Variants in RTN4 observed in about 807,000 individuals in gnomAD.
RTN4 encodes reticulon-4.
Under a neutral mutation model 90.4 loss-of-function variants are expected in RTN4, and 32 were observed. The ratio of observed to expected loss-of-function variants is 0.35; its 90% confidence interval spans 0.27 to 0.48. The LOEUF (loss-of-function observed/expected upper bound fraction) is 0.48. Ranked by LOEUF, RTN4 falls within the 20% of genes least tolerant of loss-of-function variation. The pLI, the probability that RTN4 is intolerant of heterozygous loss-of-function variation, is 0.99. For synonymous variants in RTN4, 629 were observed against 552.5 expected, an observed-to-expected ratio of 1.14 and a Z score of -1.94; for missense variants, 1,706 against 1,430.2, an observed-to-expected ratio of 1.19 and a Z score of -3.11.
intron 1 of RTN4, among the ~76,000 whole-genome samples, chr2:55,105,004 G>T (rs1424875266): frequency 6.6e-6 from 1 of 151,312 alleles, no homozygotes; most frequent in Non-Finnish European, 1.5e-5. Flanking sequence ...ATGAGGTTTT[G>T]CCATGTTGCC....
chr2:55,011,308 T>C (rs939530980), intron 3 of RTN4, among the ~76,000 whole-genome samples: 1 of 152,126 alleles, frequency 6.6e-6, no homozygotes, highest in Non-Finnish European at 1.5e-5. Flanking sequence ...ATTACAGGTA[T>C]GAGCCACCAC....
the RTN4 span, among the ~76,000 whole-genome samples, chr2:55,134,092 C>T: frequency 3.2e-4 from 49 of 152,218 alleles, no homozygotes; most frequent in Middle Eastern, 3.4e-3. Context: ...AACTTCCAGA[C>T]GGTTGCCATG....
chr2:55,081,985 T>TC (rs1668729936), intron 1 of RTN4, among the ~76,000 whole-genome samples: 1 of 152,190 alleles, frequency 6.6e-6, no homozygotes, highest in African/African-American at 2.4e-5. Flanking sequence ...TCTGCTTTTT[T>TC]CCCTCATGCT....
At chr2:54,988,325 T>A (rs1323026612) in intron 3 of RTN4, among the ~76,000 whole-genome samples, 1 of 152,052 alleles carries the variant, frequency 6.6e-6, no homozygotes, top group African/African-American at 2.4e-5. Context: ...TCCAAAAAAA[T>A]CATCTTGGGG....
At chr2:55,098,498 C>G (rs1379857911) in intron 1 of RTN4, among the ~76,000 whole-genome samples, 3 of 152,006 alleles carry the variant, frequency 2.0e-5, no homozygotes, top group Admixed American at 1.3e-4. Flanking sequence ...CTTCCAACTC[C>G]ATTGCATATT....
At chr2:54,977,203 G>T (rs1350902773) in intron 5 of RTN4, among the ~76,000 whole-genome samples, 1 of 152,142 alleles carries the variant, frequency 6.6e-6, no homozygotes, top group Non-Finnish European at 1.5e-5. Flanking sequence ...AACTCTACTT[G>T]CCCTTCTGTG....
At chr2:55,028,283 T>C in intron 1 of RTN4, 63 bp from the exon 2 acceptor site, 1 of 1,445,248 alleles carries the variant, frequency 6.9e-7, no homozygotes, top group Non-Finnish European at 9.6e-7. Context: ...AGACTAAAGA[T>C]AAGAGGAGCA....
In RTN4 at chr2:55,050,095, G is replaced by C; in HGVS notation, c.206C>G (p.Pro69Arg). 2 of 1,475,862 alleles carry C rather than the reference G, an allele frequency of 1.4e-6. No individual in the cohort carries two copies. The highest frequency in any genetic ancestry group is 2.6e-5 in the South Asian group (2 of 77,048). The allele number at this position is 1,475,862 out of a possible 1,614,324, so 91.4% of individuals were successfully genotyped here. ...GGGCGCGCCGGCGGCAGGGGCGGTG[G>C]GCACTGGGGCCGCGGACAGCCCGGC... is the stretch of plus-strand genomic sequence containing the variant. ...PAAGLSAAPV[P>R]TAPAAGAPLM... Residue 69 changes from proline to arginine, a missense_variant, in exon 1 of 9, where the codon CCC (proline) becomes CGC (arginine). By Grantham distance (103) the Pro-to-Arg change is moderately radical (BLOSUM62 -2). Coordinates refer to ENST00000337526, the MANE Select transcript of RTN4 (RefSeq NM_020532.5). The surrounding 1 kb of genome is among the most constrained non-coding windows in gnomAD (Gnocchi z 4.6).
chr2:55,044,681 A>T (rs151260390), intron 1 of RTN4, among the ~76,000 whole-genome samples: 2 of 151,732 alleles, frequency 1.3e-5, no homozygotes, highest in East Asian at 3.9e-4. Context: ...ATAGCACTAA[A>T]ATAGCATGTT....
At chr2:55,099,024 T>A (rs1667803866) in intron 1 of RTN4, among the ~76,000 whole-genome samples, 1 of 152,186 alleles carries the variant, frequency 6.6e-6, no homozygotes. Context: ...GTATTCTTGT[T>A]ACGTTAGCAA....
chr2:55,070,777 T>G (rs1388733957), intron 2 of RTN4, among the ~76,000 whole-genome samples: 8 of 149,932 alleles, frequency 5.3e-5, no homozygotes, highest in Admixed American at 1.4e-4. Flanking sequence ...TTGTTTGTTT[T>G]TTTGTTTTTC....
intron 2 of RTN4, among the ~76,000 whole-genome samples, chr2:55,078,096 G>A (rs1364601128): frequency 1.3e-5 from 2 of 151,506 alleles, no homozygotes; most frequent in African/African-American, 4.9e-5. Flanking sequence ...TCAGGTGATG[G>A]GTGCACCAAA....
intron 3 of RTN4, among the ~76,000 whole-genome samples, chr2:54,994,352 C>T (rs1445320608): frequency 1.3e-5 from 2 of 152,094 alleles, no homozygotes; most frequent in Admixed American, 6.5e-5. Flanking sequence ...CAAACTGGAT[C>T]GAGCAACATA....
intron 1 of RTN4, among the ~76,000 whole-genome samples, chr2:55,081,962 G>A (rs1274679773): frequency 1.3e-5 from 2 of 151,564 alleles, no homozygotes; most frequent in Non-Finnish European, 2.9e-5. Flanking sequence ...ATGAAAAAGA[G>A]GCCTTACATA....
intron 1 of RTN4, among the ~76,000 whole-genome samples, chr2:55,043,882 C>T (rs1683236963): frequency 6.6e-6 from 1 of 150,872 alleles, no homozygotes; most frequent in Non-Finnish European, 1.5e-5. Context: ...CAAGACTCCA[C>T]CTCAAAAATA....
At chr2:54,978,912 A>T (rs1030615379) in intron 5 of RTN4, among the ~76,000 whole-genome samples, 5 of 152,180 alleles carry the variant, frequency 3.3e-5, no homozygotes, top group Admixed American at 2.6e-4. Context: ...TTGAAAAAGT[A>T]AAAAAAGAAT....
rs1026495313 is a variant in RTN4 at position 55,072,538 on chromosome 2, T to C, written c.-63+7951A>G. Among the ~76,000 whole-genome samples, 3 of 152,220 alleles carry C rather than the reference T, an allele frequency of 2.0e-5. No homozygotes were observed. The East Asian group carries it at 5.8e-4, about 29-fold the overall frequency. On this transcript the variant is annotated intron_variant, in intron 2 of 3. Coordinates refer to the RTN4 transcript ENST00000427710. ...GCCACCGCACCCGGCCCAGTATTTA[T>C]ATTTTCTTAGGATACATTCTTGGTT...
intron 6 of RTN4, 34 bp downstream of exon 6, chr2:54,974,661 G>C (rs1300426688): frequency 6.7e-7 from 1 of 1,493,258 alleles, no homozygotes; most frequent in Non-Finnish European, 9.3e-7. Flanking sequence ...AATCTTTCCA[G>C]CAATTTTTCA....
At chr2:55,070,545 C>CA (rs747838297) in intron 2 of RTN4, among the ~76,000 whole-genome samples, 21,541 of 67,102 alleles carry the variant, frequency 0.32, 3,395 homozygotes, top group Non-Finnish European at 0.4. Context: ...GACTCTGTCT[C>CA]AAAAAAAAAA....
Sources: gnomAD v4.1 joint callset for allele counts (sites outside exome capture counted in the v4.1 genomes callset) on GRCh38, gnomAD v4.1.1 for gene constraint, Gnocchi (gnomAD v3.1) non-coding constraint, MANE v1.5 for transcripts, NCBI Gene and HGNC (gene_info 2026-07-23, HGNC 2026-07-21) for gene names.